KDM2B: variants seen among roughly 807,000 people sequenced by gnomAD.
KDM2B encodes the protein lysine demethylase 2B.
Under a neutral mutation model 150.0 loss-of-function variants are expected in KDM2B, and 26 were observed. The observed-to-expected ratio is 0.17, with a 90% confidence interval of 0.13 to 0.24. KDM2B has a LOEUF of 0.24. Ranked by LOEUF, KDM2B falls within the 10% of genes least tolerant of loss-of-function variation. The pLI is 1.00. For synonymous variants in KDM2B, 734 were observed against 729.5 expected (o/e 1.01, Z -0.10); for missense variants, 1,265 against 1,816.9 (o/e 0.70, Z 5.52).
rs1305772052 is a variant in KDM2B, at chr12:121,488,801, T to TTTTG, written c.1734+5774_1734+5777dup. ...CAGGCCTGGCTAATTTTTTTTGGTT[T>TTTTG]TTTGTTTGTTTGTTTGTTTTGAGAC... is the stretch of plus-strand genomic sequence containing the variant. On this transcript the variant is annotated intron_variant, in intron 12 of 22. Transcript: ENST00000377071. Among the ~76,000 whole-genome samples the TTTTG allele has an allele frequency of 4.6e-5, 7 of 151,738 alleles. No homozygotes were observed. The East Asian group carries it at 5.8e-4, about 13-fold the overall frequency.
intron 12 of KDM2B, among the ~76,000 whole-genome samples, chr12:121,492,581 T>G (rs1160993184): frequency 6.6e-6 from 1 of 151,958 alleles, no homozygotes; most frequent in Non-Finnish European, 1.5e-5. Flanking sequence ...GTACTGGGAT[T>G]ACAGGCGAGA....
chr12:121,570,389 CT>C (rs1447176178), intron 4 of KDM2B, among the ~76,000 whole-genome samples: 1 of 151,944 alleles, frequency 6.6e-6, no homozygotes, highest in African/African-American at 2.4e-5. Context: ...TTTTGCCATG[CT>C]CCCCAGGCTG....
chr12:121,491,371 G>C (rs1173655408), intron 12 of KDM2B, among the ~76,000 whole-genome samples: 1 of 152,140 alleles, frequency 6.6e-6, no homozygotes, highest in Non-Finnish European at 1.5e-5. Flanking sequence ...ACTGGGGAGT[G>C]CCCAGGAGTT....
Position 121,442,652 on chromosome 12 carries a change from T to C in KDM2B, c.2789A>G (p.Lys930Arg), listed in dbSNP as rs374389709. ...CTTCCGGCGCATCTTCACCTTCTTC[T>C]TCTCCTCCGGGCCCTCGGCCCCTTC... ...STEGAEGPEE[K>R]KKVKMRRKRR... is the part of the protein sequence containing the mutation. The change falls in exon 19 of 23, where the codon AAG becomes AGG. Residue 930 changes from lysine (K) to arginine (R), a missense_variant. Physicochemically the swap from Lys to Arg is conservative, Grantham distance 26. Coordinates refer to ENST00000377071, the MANE Select transcript of KDM2B (RefSeq NM_032590.5). The surrounding 1 kb of genome is among the most constrained non-coding windows in gnomAD (Gnocchi z 7.7). 1.0e-4 allele frequency: 163 copies of C among 1,605,502 alleles called. No homozygotes were observed. The highest frequency in any genetic ancestry group is 1.2e-4 in the Non-Finnish European group (144 of 1,178,470).
downstream of KDM2B, among the ~76,000 whole-genome samples, chr12:121,425,523 A>G (rs988001352): frequency 6.6e-6 from 1 of 152,130 alleles, no homozygotes; most frequent in African/African-American, 2.4e-5. Context: ...TAGTCCATCA[A>G]CAGAGCTGAA....
intron 22 of KDM2B, among the ~76,000 whole-genome samples, chr12:121,432,707 A>G (rs555140706): frequency 2.6e-5 from 4 of 152,264 alleles, no homozygotes; most frequent in Admixed American, 2.6e-4. Flanking sequence ...TTCCATCTTG[A>G]CCCTGTTCCC....
chr12:121,527,275 C>G (rs1887222891), intron 8 of KDM2B, among the ~76,000 whole-genome samples: 2 of 137,944 alleles, frequency 1.4e-5, no homozygotes, highest in Non-Finnish European at 3.1e-5. Context: ...CCAGGATGGT[C>G]TCAATCTCCT....
intron 11 of KDM2B, among the ~76,000 whole-genome samples, chr12:121,503,091 C>T (rs1487526520): frequency 1.3e-5 from 2 of 151,278 alleles, no homozygotes; most frequent in Non-Finnish European, 2.9e-5. Flanking sequence ...GATTCTCCTG[C>T]CTCAGTCTCT....
At chr12:121,417,086 G>C in the KDM2B span, among the ~76,000 whole-genome samples, 1 of 152,168 alleles carries the variant, frequency 6.6e-6, no homozygotes, top group Non-Finnish European at 1.5e-5. The surrounding 1 kb of genome is among the most constrained non-coding windows in gnomAD (Gnocchi z 5.0). Flanking sequence ...GAGATCAGTT[G>C]CCTTTCTCTT....
intron 17 of KDM2B, 162 bp from the exon 18 acceptor site, chr12:121,443,192 G>C: frequency 1.5e-6 from 1 of 664,968 alleles, no homozygotes; most frequent in Non-Finnish European, 2.6e-6. Context: ...AGACGGGCGA[G>C]CCCTGCCTGC....
At chr12:121,473,844 A>T (rs1233942374) in intron 12 of KDM2B, among the ~76,000 whole-genome samples, 1 of 152,176 alleles carries the variant, frequency 6.6e-6, no homozygotes, top group East Asian at 1.9e-4. Context: ...TATCCATTTG[A>T]TTTGTGAATA....
At chr12:121,451,663 G>A (rs1555291662) in intron 13 of KDM2B, among the ~76,000 whole-genome samples, 1 of 152,210 alleles carries the variant, frequency 6.6e-6, no homozygotes, top group Non-Finnish European at 1.5e-5. Context: ...TGTAATCCCA[G>A]CACTCTTGGA....
intron 4 of KDM2B, among the ~76,000 whole-genome samples, chr12:121,563,838 A>G (rs1330276596): frequency 2.6e-5 from 4 of 152,136 alleles, no homozygotes; most frequent in African/African-American, 7.2e-5. Flanking sequence ...CAGAGGTTGC[A>G]GTGAGCCCAG....
rs372041662 is a variant in KDM2B, at chr12:121,491,929, G to A, written c.1734+2650C>T. 1.3e-4 allele frequency among the ~76,000 whole-genome samples: 20 copies of A among 152,260 alleles called. No homozygotes were observed. In the South Asian group the frequency reaches 2.7e-3, roughly 20 times the overall value. ...TGTAATCACAACACTTTGGGAGACCGAGGCAGGCGGCTTGCTTGAGCTCAG... is the reference window on the plus strand; with the variant it reads ...TGTAATCACAACACTTTGGGAGACCAAGGCAGGCGGCTTGCTTGAGCTCAG... On this transcript the variant is annotated intron_variant, in intron 12 of 22. Transcript: ENST00000377071.
At chr12:121,509,403 T>C (rs1315655267) in intron 11 of KDM2B, among the ~76,000 whole-genome samples, 164 bp downstream of exon 11, 1 of 151,778 alleles carries the variant, frequency 6.6e-6, no homozygotes, top group African/African-American at 2.4e-5. Flanking sequence ...ACACCCTACA[T>C]AGGCTTTTGT....
At chr12:121,491,712 T>G (rs1555299952) in intron 12 of KDM2B, among the ~76,000 whole-genome samples, 1 of 149,906 alleles carries the variant, frequency 6.7e-6, no homozygotes, top group Non-Finnish European at 1.5e-5. Context: ...GAGCATCACT[T>G]GAACCCAGGA....
Position 121,513,530 on chromosome 12 carries a change from G to A in KDM2B, c.1048-128C>T, listed in dbSNP as rs1161164882. 2.1e-5 allele frequency: 22 copies of A among 1,038,796 alleles called. No individual in the cohort carries two copies. Among genetic ancestry groups the A allele is most frequent in the Non-Finnish European group, 2.8e-5 (20 of 707,624 alleles). 64.3% of individuals were successfully genotyped at this position (1,038,796 alleles called of 1,614,324 possible). Reference sequence around the variant, plus strand: ...TCATCATCTTAGCGAGAGCATGGATGGTCGGGGGAGAAATGGTGGGGTGCT... The same window carrying A: ...TCATCATCTTAGCGAGAGCATGGATAGTCGGGGGAGAAATGGTGGGGTGCT... On this transcript the variant is annotated intron_variant, in intron 9 of 22. Coordinates refer to ENST00000377071, the MANE Select transcript of KDM2B (RefSeq NM_032590.5). This position sits in a 1 kb window ranked among gnomAD's most constrained non-coding sequence, Gnocchi z 5.0.
downstream of KDM2B, among the ~76,000 whole-genome samples, chr12:121,428,250 T>C (rs1349303758): frequency 6.6e-6 from 1 of 152,074 alleles, no homozygotes; most frequent in Non-Finnish European, 1.5e-5. Flanking sequence ...TGGAGTATAA[T>C]GGCGCAATCT....
At chr12:121,443,273 C>A in intron 17 of KDM2B, 1 of 592,292 alleles carries the variant, frequency 1.7e-6, no homozygotes, top group Non-Finnish European at 3.0e-6. Context: ...TCCCACCCCA[C>A]AGACCTGGAG....
Sources: allele counts gnomAD v4.1 joint callset (sites outside exome capture counted in the v4.1 genomes callset), GRCh38; gene constraint gnomAD v4.1.1; non-coding constraint Gnocchi (gnomAD v3.1); transcripts MANE v1.5; gene names NCBI Gene and HGNC (gene_info 2026-07-23, HGNC 2026-07-21).